SMARCC1: variants seen among roughly 807,000 people sequenced by gnomAD.
The protein encoded by SMARCC1 is SWI/SNF complex subunit SMARCC1.
In SMARCC1, 43 loss-of-function variants were observed where a neutral mutation model predicts 147.4. The ratio of observed to expected loss-of-function variants is 0.29; its 90% CI spans 0.23 to 0.38. The LOEUF is 0.38. Ranked by LOEUF, SMARCC1 falls within the 10% of genes least tolerant of loss-of-function variation. The probability of loss-of-function intolerance (pLI) is 1.00; values close to 1 mark genes in which losing one functional copy is unlikely to be tolerated. For synonymous variants in SMARCC1, 495 were observed against 484.4 expected, an observed-to-expected ratio of 1.02 and a Z score of -0.29; for missense variants, 1,119 against 1,381.1, an observed-to-expected ratio of 0.81 and a Z score of 3.01.
chr3:47,696,076 AAGG>A (rs375850792), intron 11 of SMARCC1, among the ~76,000 whole-genome samples: 69,977 of 119,950 alleles, frequency 0.58, 20,725 homozygotes, highest in East Asian at 0.71. Context: ...CAAAAAAAAA[AAGG>A]GGGGGGGGGG....
chr3:47,588,699 TCCCGCCCCCCC>T (rs2032120400), intron 27 of SMARCC1, among the ~76,000 whole-genome samples: 3 of 115,410 alleles, frequency 2.6e-5, no homozygotes, highest in South Asian at 6.6e-4. Flanking sequence ...TTGTTTTTCT[TCCCGCCCCCCC>T]CCCGCCCCCA....
At chr3:47,750,231 C>T (rs2034614495) in intron 2 of SMARCC1, among the ~76,000 whole-genome samples, 1 of 151,868 alleles carries the variant, frequency 6.6e-6, no homozygotes, top group Admixed American at 6.6e-5. Flanking sequence ...GTCAAGAGAT[C>T]CAAGACCATC....
chr3:47,714,123 G>T (rs2034125955), intron 8 of SMARCC1, among the ~76,000 whole-genome samples: 1 of 152,192 alleles, frequency 6.6e-6, no homozygotes, highest in Admixed American at 6.5e-5. Context: ...CAGCACTTTG[G>T]GAGGCTGAGG....
chr3:47,664,039 ATGCGTCGTTGG>A, intron 19 of SMARCC1: 1 of 617,274 alleles, frequency 1.6e-6, no homozygotes, highest in Non-Finnish European at 2.7e-6. Flanking sequence ...TGAGAGGCCC[ATGCGTCGTTGG>A]GGGAGGAAGT....
chr3:47,610,359 A>C, intron 25 of SMARCC1, 32 bp from the exon 26 acceptor site: 2 of 1,613,086 alleles, frequency 1.2e-6, no homozygotes, highest in Non-Finnish European at 1.7e-6. Context: ...GAGAAATGAC[A>C]CCAGAAGAGG....
chr3:47,652,842 G>A (rs1339462974), intron 21 of SMARCC1, among the ~76,000 whole-genome samples: 1 of 151,634 alleles, frequency 6.6e-6, no homozygotes, highest in African/African-American at 2.4e-5. Context: ...ATGGACTGAA[G>A]AAGACCCTTC....
intron 26 of SMARCC1, among the ~76,000 whole-genome samples, chr3:47,605,776 C>CAAACA (rs1366730804): frequency 6.6e-6 from 1 of 151,964 alleles, no homozygotes; most frequent in African/African-American, 2.4e-5. Context: ...CTGTCTGTCT[C>CAAACA]AAACAAAACA....
intron 26 of SMARCC1, among the ~76,000 whole-genome samples, chr3:47,592,773 AT>A: frequency 6.7e-6 from 1 of 150,268 alleles, no homozygotes. Flanking sequence ...TAATTTTTAA[AT>A]TTTTTGTAGA....
intron 11 of SMARCC1, among the ~76,000 whole-genome samples, chr3:47,698,494 G>T (rs1411913256): frequency 6.6e-6 from 1 of 151,940 alleles, no homozygotes. Context: ...ACAAAAAAGT[G>T]CCAGAATACA....
chr3:47,622,087 G>T, intron 25 of SMARCC1, 120 bp downstream of exon 25: 1 of 876,884 alleles, frequency 1.1e-6, no homozygotes. Flanking sequence ...CAGAAAAAAG[G>T]ACAGAAGTTA....
intron 26 of SMARCC1, among the ~76,000 whole-genome samples, chr3:47,592,083 A>G (rs912886243): frequency 3.9e-5 from 6 of 152,246 alleles, no homozygotes; most frequent in Non-Finnish European, 8.8e-5. Context: ...AAAAATGTGG[A>G]GATGGGACCA....
At chr3:47,769,713 G>A (rs1056245953) in intron 2 of SMARCC1, among the ~76,000 whole-genome samples, 1 of 152,112 alleles carries the variant, frequency 6.6e-6, no homozygotes, top group African/African-American at 2.4e-5. Context: ...AGTCCCCTGA[G>A]GACAAATAAT....
chr3:47,664,979 A>T (rs1201907631), intron 19 of SMARCC1, among the ~76,000 whole-genome samples: 1 of 150,092 alleles, frequency 6.7e-6, no homozygotes, highest in Non-Finnish European at 1.5e-5. Context: ...TTTTCAGTTA[A>T]TTATTTTACT....
intron 26 of SMARCC1, among the ~76,000 whole-genome samples, chr3:47,601,989 C>A (rs1332574920): frequency 6.6e-6 from 1 of 152,034 alleles, no homozygotes; most frequent in Non-Finnish European, 1.5e-5. Context: ...CATGAGCCAC[C>A]ATGCCCGGCC....
intron 7 of SMARCC1, among the ~76,000 whole-genome samples, chr3:47,719,877 A>G (rs545433941): frequency 4.6e-5 from 7 of 152,176 alleles, no homozygotes; most frequent in Admixed American, 3.9e-4. Flanking sequence ...CTGGGATTAC[A>G]GGCGTGCGCT....
chr3:47,767,850 G>A (rs184766190), intron 2 of SMARCC1, among the ~76,000 whole-genome samples: 2 of 150,292 alleles, frequency 1.3e-5, no homozygotes, highest in Admixed American at 6.7e-5. Flanking sequence ...CCTGGACAAC[G>A]ACAACAACAA....
intron 25 of SMARCC1, 32 bp from the exon 26 acceptor site, chr3:47,610,359 A>T (rs751800197): frequency 3.7e-6 from 6 of 1,613,086 alleles, no homozygotes; most frequent in Non-Finnish European, 5.1e-6. Flanking sequence ...GAGAAATGAC[A>T]CCAGAAGAGG....
intron 1 of SMARCC1, among the ~76,000 whole-genome samples, chr3:47,774,207 C>A (rs2034947825): frequency 6.7e-6 from 1 of 149,856 alleles, no homozygotes; most frequent in South Asian, 2.1e-4. Context: ...TTGAAACTTA[C>A]TTACAGCATA....
intron 6 of SMARCC1, among the ~76,000 whole-genome samples, chr3:47,725,832 C>G (rs1323505806): frequency 6.7e-6 from 1 of 149,684 alleles, no homozygotes; most frequent in Admixed American, 6.7e-5. Flanking sequence ...GAGGCTGGGT[C>G]GGGTGAATCA....
Sources: gnomAD v4.1 joint callset for allele counts (sites outside exome capture counted in the v4.1 genomes callset) on GRCh38, gnomAD v4.1.1 for gene constraint, MANE v1.5 for transcripts, NCBI Gene and HGNC (gene_info 2026-07-23, HGNC 2026-07-21) for gene names.